The following RAPGEF1 variants were observed in gnomAD, a reference collection of about 807,000 sequenced individuals.
RAPGEF1 encodes CRK SH3-binding GNRP.
A neutral mutation model predicts 143.3 loss-of-function variants in RAPGEF1; 33 were observed. The ratio of observed to expected loss-of-function variants is 0.23; its 90% CI spans 0.17 to 0.31. RAPGEF1 has a LOEUF of 0.31. Ranked by LOEUF, RAPGEF1 falls within the 10% of genes least tolerant of loss-of-function variation. The pLI, the probability that RAPGEF1 is intolerant of heterozygous loss-of-function variation, is 1.00. For missense variants in RAPGEF1, 1,199 were observed against 1,645.4 expected, an observed-to-expected ratio of 0.73 and a Z score of 4.69; for synonymous variants, 629 against 676.5, an observed-to-expected ratio of 0.93 and a Z score of 1.09.
rs537838253 is a variant in RAPGEF1 at position 131,644,973 on chromosome 9, G to C, written c.316-1556C>G. On this transcript the variant is annotated intron_variant, in intron 3 of 26. Transcript: ENST00000683357. The stretch of plus-strand genomic sequence containing the variant: ...TTCTTTCATTGAGTCTTTCCCACAA[G>C]GTGTCCTGCAGACTAGAAGACACAA... Among the ~76,000 whole-genome samples, 29 of 152,300 alleles carry C rather than the reference G, an allele frequency of 1.9e-4. No individual in the cohort carries two copies. The Middle Eastern group carries it at 0.01, about 54-fold the overall frequency.
At chr9:131,736,839 T>C (rs921624220) in intron 1 of RAPGEF1, among the ~76,000 whole-genome samples, 2 of 152,122 alleles carry the variant, frequency 1.3e-5, no homozygotes, top group African/African-American at 4.8e-5. Context: ...AAAACTCCAA[T>C]CACAACAATT....
At chr9:131,686,578 C>G (rs1246693125) in intron 1 of RAPGEF1, among the ~76,000 whole-genome samples, 1 of 152,214 alleles carries the variant, frequency 6.6e-6, no homozygotes, top group Non-Finnish European at 1.5e-5. Flanking sequence ...GGTTCCCTCT[C>G]TGTTTGAATA....
rs930331657 is a variant in RAPGEF1 at position 131,682,070 on chromosome 9, T to C, written c.62-31121A>G. On this transcript the variant is annotated intron_variant, in intron 1 of 26. Transcript: ENST00000683357. ...AGTAATCTGCATAAAGCTACTCTGC[T>C]AGCACAGGCAATGGCAAGACTGAGA... Among the ~76,000 whole-genome samples the C allele has an allele frequency of 4.6e-5, 7 of 152,254 alleles. No homozygotes were observed. The East Asian group carries it at 1.3e-3, about 29-fold the overall frequency.
intron 1 of RAPGEF1, among the ~76,000 whole-genome samples, chr9:131,711,651 C>G (rs1224100393): frequency 2.6e-5 from 4 of 152,232 alleles, no homozygotes; most frequent in African/African-American, 9.6e-5. Flanking sequence ...AGCCACCACG[C>G]CCAGCCCTTC....
chr9:131,629,382 C>A, intron 6 of RAPGEF1, 128 bp from the exon 7 acceptor site: 2 of 946,590 alleles, frequency 2.1e-6, no homozygotes, highest in Non-Finnish European at 3.2e-6. Context: ...AGAGCAGGCT[C>A]CCTGGATATA....
intron 1 of RAPGEF1, among the ~76,000 whole-genome samples, chr9:131,657,458 T>C (rs1371050958): frequency 6.6e-6 from 1 of 152,210 alleles, no homozygotes; most frequent in African/African-American, 2.4e-5. Context: ...TTTTCTAGAA[T>C]TGAAGTTAAA....
Position 131,604,793 on chromosome 9 carries a change from C to T in RAPGEF1, c.2319+138G>A, listed in dbSNP as rs111912669. 656 of 1,151,522 alleles carry T rather than the reference C, an allele frequency of 5.7e-4. 10 individuals are homozygous for T. In the East Asian group the frequency reaches 0.023, roughly 41 times the overall value. The allele number at this position is 1,151,522 out of a possible 1,614,324, so 71.3% of individuals were successfully genotyped here. A position where few individuals can be genotyped will look rare whatever the true frequency, so the allele number is the denominator to read the frequency against. On this transcript the variant is annotated intron_variant, in intron 13 of 26. Transcript: ENST00000683357. ...CTCAGCCATGCTGCCAGCAGGTGTG[C>T]GCTGGCAGCCCCCAACTGCTAGTAA...
chr9:131,671,144 C>T (rs1831309590), intron 1 of RAPGEF1, among the ~76,000 whole-genome samples: 6 of 152,242 alleles, frequency 3.9e-5, no homozygotes, highest in Admixed American at 3.9e-4. Context: ...CTCTAGAATC[C>T]TCAGAGCAGG....
intron 1 of RAPGEF1, among the ~76,000 whole-genome samples, chr9:131,690,247 T>C (rs1202947336): frequency 6.6e-6 from 1 of 152,226 alleles, no homozygotes; most frequent in African/African-American, 2.4e-5. Flanking sequence ...TAGGAAGTTA[T>C]AAAGAATGAG....
intron 1 of RAPGEF1, among the ~76,000 whole-genome samples, chr9:131,700,465 T>G (rs191457261): frequency 2.3e-3 from 354 of 152,368 alleles, no homozygotes; most frequent in Non-Finnish European, 4.5e-3. Flanking sequence ...CTTGTTCATA[T>G]GTAAACTAAA....
At chr9:131,666,684 C>T (rs1050469781) in intron 1 of RAPGEF1, among the ~76,000 whole-genome samples, 5 of 152,170 alleles carry the variant, frequency 3.3e-5, no homozygotes, top group African/African-American at 1.2e-4. Flanking sequence ...TGTGCCCAGT[C>T]TTAAAAATAT....
chr9:131,609,067 CCTGT>C (rs370443020), intron 12 of RAPGEF1, among the ~76,000 whole-genome samples: 19 of 152,254 alleles, frequency 1.2e-4, no homozygotes, highest in African/African-American at 3.1e-4. Flanking sequence ...GGAAGGGCTG[CCTGT>C]CTGAGACTTG....
In RAPGEF1 at chr9:131,602,107, C is replaced by T. The variant is rs1479937410; in HGVS notation, c.2455G>A (p.Ala819Thr). 1 of 1,603,722 alleles carries T rather than the reference C, an allele frequency of 6.2e-7. No individual in the cohort carries two copies. Among genetic ancestry groups the T allele is most frequent in the Non-Finnish European group, 8.5e-7 (1 of 1,175,786 alleles). Residue 819 changes from alanine (A) to threonine (T), a missense_variant, in exon 15 of 27, where the codon GCG becomes ACG. Transcript: ENST00000683357. The stretch of plus-strand genomic sequence containing the variant: ...TCCTTCCCAGGGACGCCGCTGACCG[C>T]TGAGGGATCTCTGGGATGTCCGTCT... ...GKDGHPRDPSAVSGVPGKDSR... is the reference protein window; with the variant it reads ...GKDGHPRDPSTVSGVPGKDSR...
Position 131,629,227 on chromosome 9 carries a change from G to A in RAPGEF1, c.768C>T (p.Arg256=), listed in dbSNP as rs373861191. The A allele has an allele frequency of 1.8e-5, 29 of 1,613,882 alleles. No homozygotes were observed. The highest frequency in any genetic ancestry group is 6.7e-5 in the Admixed American group (4 of 59,998). ...DGPAELPLTD[R]EVEILNKTTG... is the part of the protein sequence containing the mutation. The stretch of plus-strand genomic sequence containing the variant: ...TCGTCTTGTTTAGGATCTCTACCTC[G>A]CGGTCTGTCAGGGGGAGCTCTGCTG... The change falls in exon 7 of 27, where the codon CGC becomes CGT. Residue 256 remains arginine (R), a synonymous_variant. Coordinates refer to ENST00000683357, the MANE Select transcript of RAPGEF1 (RefSeq NM_001377935.1).
chr9:131,630,958 A>T (rs1053922434), intron 5 of RAPGEF1, among the ~76,000 whole-genome samples: 13 of 150,904 alleles, frequency 8.6e-5, no homozygotes, highest in South Asian at 4.2e-4. Flanking sequence ...TTTTTTTTTT[A>T]AATTAGAATG....
rs374445101 is a variant in RAPGEF1 at position 131,582,610 on chromosome 9, C to A, written c.3507G>T (p.Pro1169=). Reference sequence around the variant, plus strand: ...CTGGAGGGGCTGCTACTCACAGGTACGGGATGCACGGCGGTTCCACCTCCG... The same window carrying A: ...CTGGAGGGGCTGCTACTCACAGGTAAGGGATGCACGGCGGTTCCACCTCCG... ...ALSEVEPPCI[P]YLGLILQDLT... Residue 1169 remains proline (P), a synonymous_variant, in exon 25 of 27, where the codon CCG becomes CCT. Transcript: ENST00000683357. 13 of 1,523,892 alleles carry A rather than the reference C, an allele frequency of 8.5e-6. No homozygotes were observed. The highest frequency in any genetic ancestry group is 5.3e-5 in the East Asian group (2 of 37,724). The allele number at this position is 1,523,892 out of a possible 1,614,324, so 94.4% of individuals were successfully genotyped here.
chr9:131,593,833 A>C (rs1444330797), intron 17 of RAPGEF1, among the ~76,000 whole-genome samples: 1 of 152,222 alleles, frequency 6.6e-6, no homozygotes, highest in Admixed American at 6.5e-5. Context: ...AGTTTGGGGA[A>C]GGAAGCAGAG....
intron 1 of RAPGEF1, among the ~76,000 whole-genome samples, chr9:131,653,808 G>C (rs1353442131): frequency 1.3e-5 from 2 of 152,182 alleles, no homozygotes; most frequent in African/African-American, 4.8e-5. Context: ...AAATCCATGA[G>C]ACTTGTACAG....
chr9:131,660,635 T>C (rs1259715876), intron 1 of RAPGEF1, among the ~76,000 whole-genome samples: 1 of 152,146 alleles, frequency 6.6e-6, no homozygotes, highest in Non-Finnish European at 1.5e-5. Flanking sequence ...TCTGCGCCCT[T>C]GTATGGTGAG....
Sources: gnomAD v4.1 joint callset for allele counts (sites outside exome capture counted in the v4.1 genomes callset) on GRCh38, gnomAD v4.1.1 for gene constraint, MANE v1.5 for transcripts, NCBI Gene and HGNC (gene_info 2026-07-23, HGNC 2026-07-21) for gene names.